Variants in TECTA observed in about 807,000 individuals in gnomAD.
TECTA encodes alpha-tectorin.
TECTA carries 128 observed loss-of-function variants against 216.8 expected under a neutral mutation model. The ratio of observed to expected loss-of-function variants is 0.59; its 90% CI spans 0.51 to 0.68. The LOEUF is 0.68. Ranked by LOEUF, TECTA falls within the 30% of genes least tolerant of loss-of-function variation. TECTA has a pLI of 0.00. For synonymous variants in TECTA, 1,089 were observed against 1,117.1 expected (o/e 0.97, Z 0.50); for missense variants, 2,551 against 2,786.2 (o/e 0.92, Z 1.90).
At chr11:121,167,118 A>G (rs375802923) in intron 18 of TECTA, among the ~76,000 whole-genome samples, 4 of 152,312 alleles carry the variant, frequency 2.6e-5, no homozygotes, top group African/African-American at 4.8e-5. Context: ...GGGGTAAGGG[A>G]GTCCCGAACC....
chr11:121,177,887 C>T (rs1283119541), intron 20 of TECTA, among the ~76,000 whole-genome samples: 6 of 152,316 alleles, frequency 3.9e-5, no homozygotes, highest in Non-Finnish European at 5.9e-5. Context: ...CAATGGTGGG[C>T]GCCCCTCCCC....
intron 15 of TECTA, 96 bp downstream of exon 15, chr11:121,160,517 GC>G (rs954619056): frequency 2.0e-5 from 31 of 1,519,630 alleles, no homozygotes; most frequent in African/African-American, 2.7e-5. Context: ...CCTTAGCACT[GC>G]CCCTGCTCTC....
chr11:121,186,957 C>T (rs1947294435), intron 20 of TECTA, among the ~76,000 whole-genome samples: 1 of 152,160 alleles, frequency 6.6e-6, no homozygotes, highest in Admixed American at 6.5e-5. Flanking sequence ...GCATTGGAGA[C>T]ACAGTAAGGA....
chr11:121,126,372 A>G (rs1047311859), intron 8 of TECTA, among the ~76,000 whole-genome samples: 24 of 152,246 alleles, frequency 1.6e-4, no homozygotes, highest in African/African-American at 5.8e-4. Flanking sequence ...ACAGCATATG[A>G]GTAAAGAAGC....
chr11:121,168,643 T>A, intron 19 of TECTA, 34 bp from the exon 20 acceptor site: 1 of 1,614,098 alleles, frequency 6.2e-7, no homozygotes, highest in South Asian at 1.1e-5. Flanking sequence ...TAACATTGTT[T>A]TGGATTCCTG....
intron 23 of TECTA, among the ~76,000 whole-genome samples, chr11:121,190,464 C>T (rs557754644): frequency 2.1e-4 from 32 of 152,246 alleles, no homozygotes; most frequent in Non-Finnish European, 2.5e-4. Context: ...GGGGTTTCAC[C>T]ATATTGGCCA....
rs202043512 is a variant in TECTA, at chr11:121,150,643, AT to A, written c.4106-2217del. Among the ~76,000 whole-genome samples the A allele has an allele frequency of 9.9e-3, 1,267 of 127,898 alleles. 9 individuals are homozygous for A. Among genetic ancestry groups the A allele is most frequent in the African/African-American group, 0.034 (1,088 of 32,192 alleles). 83.9% of individuals were successfully genotyped at this position (127,898 alleles called of 152,430 possible). The stretch of plus-strand genomic sequence containing the variant: ...TGACATACCACAAAGGCCTATTTTA[AT>A]TTTTTTTTTTTTTTTTTTTTGAGAT... On this transcript the variant is annotated intron_variant, in intron 12 of 23. Coordinates refer to ENST00000392793, the MANE Select transcript of TECTA (RefSeq NM_005422.4).
In TECTA at chr11:121,139,171, A is replaced by C. The variant is rs147642547; in HGVS notation, c.3543+1149A>C. On this transcript the variant is annotated intron_variant, in intron 11 of 23. Transcript: ENST00000392793. Reference sequence around the variant, plus strand: ...TGTCGTCCTCTTCCCTTGCTTGCACACCACAAACCTAAATCCCAGTTGTTT... The same window carrying C: ...TGTCGTCCTCTTCCCTTGCTTGCACCCCACAAACCTAAATCCCAGTTGTTT... Among the ~76,000 whole-genome samples the C allele has an allele frequency of 2.2e-4, 33 of 152,294 alleles. No individual in the cohort carries two copies. The East Asian group carries it at 6.2e-3, about 29-fold the overall frequency.
At chr11:121,171,833 G>A (rs1947115423) in intron 20 of TECTA, among the ~76,000 whole-genome samples, 1 of 152,040 alleles carries the variant, frequency 6.6e-6, no homozygotes, top group South Asian at 2.1e-4. Context: ...AGGTTTTTCT[G>A]TATATAAGAT....
intron 13 of TECTA, among the ~76,000 whole-genome samples, chr11:121,157,364 G>A (rs967339415): frequency 2.6e-5 from 4 of 152,032 alleles, no homozygotes; most frequent in African/African-American, 4.8e-5. Flanking sequence ...AAGCAGTTTG[G>A]GAGGCTGAGG....
At chr11:121,157,733 A>G (rs777409987) in intron 13 of TECTA, 108 bp from the exon 14 acceptor site, 132 of 1,542,646 alleles carry the variant, frequency 8.6e-5, no homozygotes, top group Non-Finnish European at 1.2e-4. Flanking sequence ...TTCCAGCCCC[A>G]TTAAAGATAG....
At chr11:121,174,755 C>T (rs1413015140) in intron 20 of TECTA, among the ~76,000 whole-genome samples, 1 of 152,086 alleles carries the variant, frequency 6.6e-6, no homozygotes, top group Non-Finnish European at 1.5e-5. Flanking sequence ...GGAATAGTTT[C>T]AGAAGGAATG....
At position 121,118,496 on chromosome 11, in the gene TECTA, G is replaced by A; in HGVS notation, c.981G>A (p.Glu327=). The part of the protein sequence containing the change: ...VETSTCVVFG[E]PHYHTFDGFL... ...CCAGCACATGCGTGGTGTTTGGGGA[G>A]CCACACTACCACACTTTTGACGGCT... Residue 327 remains glutamate, a synonymous_variant, in exon 7 of 24, where the codon GAG becomes GAA. Transcript: ENST00000392793. 1 of 1,614,184 alleles carries A rather than the reference G, an allele frequency of 6.2e-7. No homozygotes were observed. Among genetic ancestry groups the A allele is most frequent in the Non-Finnish European group, 8.5e-7 (1 of 1,180,042 alleles).
intron 7 of TECTA, among the ~76,000 whole-genome samples, chr11:121,120,144 T>C (rs1018544525): frequency 3.3e-5 from 5 of 152,092 alleles, no homozygotes; most frequent in Admixed American, 1.3e-4. Context: ...TAAAATTCTT[T>C]TTTATTCTCA....
chr11:121,158,307 G>A, intron 14 of TECTA, 83 bp downstream of exon 14: 1 of 1,565,122 alleles, frequency 6.4e-7, no homozygotes, highest in South Asian at 1.1e-5. Flanking sequence ...CTCCCAGATA[G>A]CCAAGTTGTA....
At chr11:121,189,207 C>T in intron 22 of TECTA, 40 bp downstream of exon 22, 2 of 1,599,088 alleles carry the variant, frequency 1.3e-6, no homozygotes, top group Non-Finnish European at 1.7e-6. Flanking sequence ...ATTATTAAAA[C>T]AACGGGATTT....
intron 20 of TECTA, among the ~76,000 whole-genome samples, chr11:121,181,055 C>G (rs983346350): frequency 6.6e-6 from 1 of 152,050 alleles, no homozygotes; most frequent in Non-Finnish European, 1.5e-5. Context: ...GTCCTAGCTA[C>G]TTGGGAGGCT....
In TECTA at chr11:121,160,386, G is replaced by A; in HGVS notation, c.4941G>A (p.Leu1647=). The part of the protein sequence containing the change: ...RGKPVVSSVV[L]AQSWKTNGMQ... ...AGCCGGTGGTAAGCAGCGTGGTGCT[G>A]GCCCAGAGCTGGAAAACCAATGGCA... The change falls in exon 15 of 24, where the codon CTG becomes CTA. Residue 1647 remains leucine, a synonymous_variant. Transcript: ENST00000392793. 1 of 1,613,062 alleles carries A rather than the reference G, an allele frequency of 6.2e-7. No individual in the cohort carries two copies. Among genetic ancestry groups the A allele is most frequent in the Middle Eastern group, 1.7e-4 (1 of 6,048 alleles).
chr11:121,129,555 G>C, intron 9 of TECTA, 83 bp from the exon 10 acceptor site: 1 of 1,425,126 alleles, frequency 7.0e-7, no homozygotes, highest in Non-Finnish European at 9.9e-7. Flanking sequence ...CAATAGGGCA[G>C]ACCGTGTCTT....
Sources: allele counts gnomAD v4.1 joint callset (sites outside exome capture counted in the v4.1 genomes callset), GRCh38; gene constraint gnomAD v4.1.1; transcripts MANE v1.5; gene names NCBI Gene and HGNC (gene_info 2026-07-23, HGNC 2026-07-21).